The following DLG2 variants were observed in gnomAD, a reference collection of about 807,000 sequenced individuals.
DLG2 encodes disks large homolog 2.
DLG2 carries 45 observed loss-of-function variants against 132.5 expected under a neutral mutation model. The observed-to-expected ratio is 0.34, with a 90% CI of 0.27 to 0.44. The LOEUF is 0.44. DLG2 is among the 20% of genes least tolerant of loss of function. The pLI, the probability that DLG2 is intolerant of heterozygous loss-of-function variation, is 1.00. For synonymous variants in DLG2, 424 were observed against 419.6 expected (o/e 1.01, Z -0.13); for missense variants, 1,045 against 1,196.9 (o/e 0.87, Z 1.87).
intron 18 of DLG2, among the ~76,000 whole-genome samples, chr11:83,726,189 T>G (rs1299102302): frequency 1.3e-5 from 2 of 152,228 alleles, no homozygotes; most frequent in African/African-American, 4.8e-5. Flanking sequence ...TTGAATCTGC[T>G]CATTGCTTGG....
intron 5 of DLG2, among the ~76,000 whole-genome samples, chr11:85,130,709 T>C (rs777912195): frequency 7.9e-5 from 12 of 152,126 alleles, no homozygotes; most frequent in Non-Finnish European, 1.3e-4. Flanking sequence ...TAAACTAAGA[T>C]ATAATTAAAA....
At chr11:83,730,138 T>C (rs977244333) in intron 18 of DLG2, among the ~76,000 whole-genome samples, 2 of 145,564 alleles carry the variant, frequency 1.4e-5, no homozygotes, top group Admixed American at 6.8e-5. Context: ...TCTAGGTGTT[T>C]TTTTATGGTT....
intron 14 of DLG2, among the ~76,000 whole-genome samples, chr11:83,959,581 A>G (rs2087916239): frequency 1.3e-5 from 2 of 152,130 alleles, no homozygotes. Flanking sequence ...CGTGCATGTT[A>G]ACATATTAAA....
At chr11:83,903,894 G>T (rs761109971) in intron 15 of DLG2, among the ~76,000 whole-genome samples, 11 of 152,044 alleles carry the variant, frequency 7.2e-5, no homozygotes, top group African/African-American at 9.7e-5. Flanking sequence ...GGTGGTAATG[G>T]ACCCTACAAA....
intron 6 of DLG2, among the ~76,000 whole-genome samples, chr11:85,018,743 T>G (rs1379472213): frequency 3.9e-5 from 6 of 151,904 alleles, no homozygotes; most frequent in Admixed American, 3.9e-4. Flanking sequence ...ATAAGGTAGA[T>G]GTAATAAACG....
chr11:85,380,601 G>A (rs538587353), intron 3 of DLG2, among the ~76,000 whole-genome samples: 17 of 152,166 alleles, frequency 1.1e-4, no homozygotes, highest in South Asian at 6.2e-4. Flanking sequence ...CGGAGGTTGC[G>A]GTGAGTCAAG....
rs1336611528 is a variant in DLG2, at chr11:85,393,626, C to CGT, written c.41-108262_41-108261insAC. 6.0e-5 allele frequency among the ~76,000 whole-genome samples: 6 copies of CGT among 100,466 alleles called. No homozygotes were observed. In the East Asian group the frequency reaches 1.3e-3, roughly 21 times the overall value. 65.9% of individuals were successfully genotyped at this position (100,466 alleles called of 152,430 possible). A position where few individuals can be genotyped will look rare whatever the true frequency, so the allele number is the denominator to read the frequency against. On this transcript the variant is annotated intron_variant, in intron 3 of 27. Transcript: ENST00000376104. ...GTGGTATATATATATATATGGTATG[C>CGT]ATATGTGTGTGTGTGTGTGTGTGTG...
chr11:84,195,252 C>T (rs555132337), intron 8 of DLG2, among the ~76,000 whole-genome samples: 1 of 152,336 alleles, frequency 6.6e-6, no homozygotes, highest in South Asian at 2.1e-4. Flanking sequence ...CAATTGCCGC[C>T]TCCCAGGTTC....
chr11:85,384,996 G>A lies in DLG2; in HGVS notation c.41-99631C>T, dbSNP rs573731272. ...ATTACATTCTTAGCTCATAGTGGGA[G>A]CTCAATAGATGTGGATTTTCTTCCT... On this transcript the variant is annotated intron_variant, in intron 3 of 27. Transcript: ENST00000376104. 3.9e-5 allele frequency among the ~76,000 whole-genome samples: 6 copies of A among 152,318 alleles called. No homozygotes were observed. In the East Asian group the frequency reaches 1.2e-3, roughly 29 times the overall value.
intron 9 of DLG2, among the ~76,000 whole-genome samples, chr11:84,120,735 G>T (rs1049895069): frequency 2.0e-5 from 3 of 152,174 alleles, no homozygotes; most frequent in Non-Finnish European, 4.4e-5. Flanking sequence ...TTGTATTATG[G>T]CAACCAACAA....
chr11:85,486,365 C>A (rs2093429075), intron 3 of DLG2, among the ~76,000 whole-genome samples: 1 of 152,162 alleles, frequency 6.6e-6, no homozygotes, highest in South Asian at 2.1e-4. Context: ...GCACAGCCAC[C>A]AAAGCCCACA....
intron 19 of DLG2, among the ~76,000 whole-genome samples, chr11:83,565,940 C>G (rs1009992896): frequency 1.3e-5 from 2 of 152,158 alleles, no homozygotes; most frequent in African/African-American, 4.8e-5. Context: ...ATTGCAGGCC[C>G]CTACTTGCCA....
intron 6 of DLG2, among the ~76,000 whole-genome samples, chr11:84,633,260 T>G (rs1169085268): frequency 6.6e-6 from 1 of 152,176 alleles, no homozygotes; most frequent in African/African-American, 2.4e-5. Context: ...GGTCCTTTCC[T>G]ACCTTTCCCA....
At chr11:84,421,634 C>G (rs2098951182) in intron 7 of DLG2, among the ~76,000 whole-genome samples, 1 of 152,138 alleles carries the variant, frequency 6.6e-6, no homozygotes. Flanking sequence ...CACCTTAAAA[C>G]CCATCAGTGA....
chr11:84,126,236 C>G (rs1282393233), intron 9 of DLG2, among the ~76,000 whole-genome samples: 1 of 151,988 alleles, frequency 6.6e-6, no homozygotes, highest in Non-Finnish European at 1.5e-5. Context: ...GTATAGTTAC[C>G]TGGAGGGATG....
chr11:83,865,128 T>C (rs2062077755), intron 16 of DLG2, among the ~76,000 whole-genome samples: 1 of 152,152 alleles, frequency 6.6e-6, no homozygotes, highest in East Asian at 1.9e-4. Flanking sequence ...CTTATTTTCA[T>C]GAAAGATAAA....
At chr11:85,258,800 G>A (rs2076791892) in intron 4 of DLG2, among the ~76,000 whole-genome samples, 1 of 152,170 alleles carries the variant, frequency 6.6e-6, no homozygotes, top group Non-Finnish European at 1.5e-5. Flanking sequence ...CAGTGTAGGA[G>A]AGGGGAGGCT....
intron 8 of DLG2, among the ~76,000 whole-genome samples, chr11:84,187,354 T>C (rs2154287618): frequency 6.6e-6 from 1 of 152,136 alleles, no homozygotes; most frequent in African/African-American, 2.4e-5. Flanking sequence ...TATTTAGTTG[T>C]AAAGGCTCTT....
intron 17 of DLG2, among the ~76,000 whole-genome samples, chr11:83,827,149 C>T (rs1320060945): frequency 6.6e-6 from 1 of 152,014 alleles, no homozygotes; most frequent in African/African-American, 2.4e-5. Context: ...CATATGAGGA[C>T]CACTTCAGGA....
Sources: allele counts gnomAD v4.1 joint callset (sites outside exome capture counted in the v4.1 genomes callset), GRCh38; gene constraint gnomAD v4.1.1; transcripts MANE v1.5; gene names NCBI Gene and HGNC (gene_info 2026-07-23, HGNC 2026-07-21).